Variants in CFAP90 observed in about 807,000 individuals in gnomAD.
CFAP90 encodes cilia- and flagella-associated protein 90.
the CFAP90 span, among the ~76,000 whole-genome samples, chr5:7,848,548 T>C: frequency 6.6e-6 from 1 of 152,236 alleles, no homozygotes; most frequent in Non-Finnish European, 1.5e-5. Context: ...TGTGAAGGAA[T>C]GCCCTGTTCC....
chr5:7,832,120 T>G, the CFAP90 span: 2 of 1,339,404 alleles, frequency 1.5e-6, no homozygotes, highest in Non-Finnish European at 2.1e-6. Flanking sequence ...CCTGGGAGCT[T>G]TTTCTGCCTG....
chr5:7,831,090 T>C, the CFAP90 span: 2 of 152,218 alleles, frequency 1.3e-5, no homozygotes, highest in African/African-American at 2.4e-5. Flanking sequence ...ATGTAGATGA[T>C]ATGACTTGCC....
chr5:7,845,986 A>G, the CFAP90 span, among the ~76,000 whole-genome samples: 1 of 134,224 alleles, frequency 7.5e-6, no homozygotes, highest in Non-Finnish European at 1.6e-5. Flanking sequence ...GGTCAGGGAT[A>G]TGAGGTTTGC....
At chr5:7,838,669 C>T in the CFAP90 span, among the ~76,000 whole-genome samples, 1 of 152,234 alleles carries the variant, frequency 6.6e-6, no homozygotes, top group Non-Finnish European at 1.5e-5. Context: ...CAGGCTCTTG[C>T]TCATCATCTA....
At chr5:7,840,692 G>A in the CFAP90 span, among the ~76,000 whole-genome samples, 3 of 152,152 alleles carry the variant, frequency 2.0e-5, no homozygotes, top group Non-Finnish European at 4.4e-5. Flanking sequence ...GCATTCACAT[G>A]TTGAAGTCCT....
the CFAP90 span, among the ~76,000 whole-genome samples, chr5:7,842,235 T>A: frequency 8.6e-5 from 13 of 151,834 alleles, no homozygotes; most frequent in African/African-American, 3.1e-4. Flanking sequence ...AGTCCTTTAT[T>A]TTCTCCTCCC....
the CFAP90 span, among the ~76,000 whole-genome samples, chr5:7,842,308 A>G: frequency 1.0e-3 from 87 of 85,240 alleles, no homozygotes; most frequent in African/African-American, 5.2e-3. Context: ...AAGTTCTACA[A>G]GAAAGAAAAA....
the CFAP90 span, among the ~76,000 whole-genome samples, chr5:7,834,710 A>G: frequency 6.6e-6 from 1 of 152,204 alleles, no homozygotes; most frequent in African/African-American, 2.4e-5. Context: ...GTTTAGATAC[A>G]AAAATACTTA....
At chr5:7,842,939 C>T in the CFAP90 span, among the ~76,000 whole-genome samples, 6 of 152,144 alleles carry the variant, frequency 3.9e-5, no homozygotes, top group South Asian at 1.0e-3. Flanking sequence ...TCCAGCACAC[C>T]GGCGGTTAAG....
At chr5:7,843,730 TC>T in the CFAP90 span, among the ~76,000 whole-genome samples, 3 of 152,308 alleles carry the variant, frequency 2.0e-5, no homozygotes, top group South Asian at 4.1e-4. Context: ...TCTTATATGT[TC>T]CTCTTGGTCA....
At chr5:7,851,068 C>A in the CFAP90 span, 203,784 of 1,234,978 alleles carry the variant, frequency 0.17, 17,594 homozygotes, top group Non-Finnish European at 0.18. Flanking sequence ...CCGTCCCGCC[C>A]GCCCAGGGGC....
chr5:7,845,394 G>A, the CFAP90 span, among the ~76,000 whole-genome samples: 1 of 152,120 alleles, frequency 6.6e-6, no homozygotes, highest in Admixed American at 6.6e-5. Flanking sequence ...TAAAGAAACA[G>A]TCAGCTTCTG....
chr5:7,832,066 T>G, the CFAP90 span: 1 of 1,584,956 alleles, frequency 6.3e-7, no homozygotes, highest in Non-Finnish European at 8.6e-7. Flanking sequence ...TCAGCACCAC[T>G]GCATTCGCCA....
the CFAP90 span, among the ~76,000 whole-genome samples, chr5:7,838,010 T>C: frequency 1.3e-5 from 2 of 152,344 alleles, no homozygotes; most frequent in Admixed American, 1.3e-4. Flanking sequence ...GATGTGTTCA[T>C]GTCAAACCAC....
the CFAP90 span, among the ~76,000 whole-genome samples, chr5:7,847,656 T>A: frequency 1.3e-5 from 2 of 152,174 alleles, no homozygotes; most frequent in African/African-American, 4.8e-5. Flanking sequence ...ACCCCAGCAT[T>A]AAAGGGGCAG....
chr5:7,844,010 G>A, the CFAP90 span, among the ~76,000 whole-genome samples: 12 of 152,160 alleles, frequency 7.9e-5, no homozygotes, highest in African/African-American at 1.4e-4. Flanking sequence ...CCTCACTCTC[G>A]GTGTTTCGTA....
chr5:7,833,169 A>C, the CFAP90 span, among the ~76,000 whole-genome samples: 1 of 152,232 alleles, frequency 6.6e-6, no homozygotes, highest in African/African-American at 2.4e-5. Context: ...GGAACTATAT[A>C]TAATAGTACC....
the CFAP90 span, chr5:7,835,648 A>G: frequency 3.5e-6 from 2 of 577,844 alleles, no homozygotes; most frequent in Non-Finnish European, 6.1e-6. Context: ...ACCAAGCAGA[A>G]CCAGCTGTGA....
the CFAP90 span, among the ~76,000 whole-genome samples, chr5:7,846,980 C>T: frequency 6.6e-6 from 1 of 152,132 alleles, no homozygotes; most frequent in Non-Finnish European, 1.5e-5. Context: ...AACTCCTGAT[C>T]TCAAGTGATC....
Sources: allele counts gnomAD v4.1 joint callset (sites outside exome capture counted in the v4.1 genomes callset), GRCh38; gene constraint gnomAD v4.1.1; transcripts MANE v1.5; gene names NCBI Gene and HGNC (gene_info 2026-07-23, HGNC 2026-07-21).